The following SMIM35 variants were observed in gnomAD, a reference collection of about 807,000 sequenced individuals.
The protein encoded by SMIM35 is TMPRSS4 antisense RNA 1 (non-protein coding).
At chr11:118,054,077 T>C (rs568395055) in intron 1 of SMIM35, among the ~76,000 whole-genome samples, 1 of 152,346 alleles carries the variant, frequency 6.6e-6, no homozygotes, top group Admixed American at 6.5e-5. Flanking sequence ...TTGCATCATT[T>C]GCAAGACTGG....
In SMIM35 at chr11:118,005,569, C is replaced by G. The variant is rs1373926432; in HGVS notation, c.*841G>C. Reference sequence around the variant, plus strand: ...GACACTCCTTCCTCCCCTAGTCTTCCCCACCTGATAAATGGCACCACCTTT... The same window carrying G: ...GACACTCCTTCCTCCCCTAGTCTTCGCCACCTGATAAATGGCACCACCTTT... On this transcript the variant is annotated 3_prime_UTR_variant, in exon 5 of 5. Coordinates refer to ENST00000689828, the MANE Select transcript of SMIM35 (RefSeq NM_001394165.1). 6.6e-6 allele frequency: 1 copy of G among 152,346 alleles called. No homozygotes were observed. The highest frequency in any genetic ancestry group is 1.5e-5 in the Non-Finnish European group (1 of 68,142). The allele number at this position is 152,346 out of a possible 1,614,324, so 9.4% of individuals were successfully genotyped here.
intron 1 of SMIM35, among the ~76,000 whole-genome samples, chr11:118,037,898 G>A (rs1455337757): frequency 2.0e-5 from 3 of 152,150 alleles, no homozygotes; most frequent in Non-Finnish European, 4.4e-5. Context: ...AGGGCACACC[G>A]AGTGGCTGCA....
intron 1 of SMIM35, among the ~76,000 whole-genome samples, chr11:118,052,853 C>A (rs1026637222): frequency 1.3e-5 from 2 of 152,126 alleles, no homozygotes; most frequent in African/African-American, 4.8e-5. Context: ...CAGACAGAAT[C>A]AACACTTCAT....
intron 4 of SMIM35, among the ~76,000 whole-genome samples, chr11:118,010,189 G>C (rs2058142904): frequency 6.6e-6 from 1 of 152,220 alleles, no homozygotes; most frequent in Admixed American, 6.5e-5. Flanking sequence ...TCACTAAGCA[G>C]TTTTTAAAAA....
intron 1 of SMIM35, among the ~76,000 whole-genome samples, chr11:118,032,776 C>G (rs2058329654): frequency 6.6e-6 from 1 of 152,042 alleles, no homozygotes; most frequent in Non-Finnish European, 1.5e-5. Context: ...GGCGTGGTGG[C>G]AGGCGCCTAT....
At chr11:118,043,088 G>C (rs928642998) in intron 1 of SMIM35, among the ~76,000 whole-genome samples, 1 of 152,154 alleles carries the variant, frequency 6.6e-6, no homozygotes, top group Non-Finnish European at 1.5e-5. Context: ...TCAGTAACAC[G>C]ACGAAGATGT....
chr11:118,030,281 C>A (rs866155982), intron 1 of SMIM35, among the ~76,000 whole-genome samples: 1 of 152,086 alleles, frequency 6.6e-6, no homozygotes, highest in African/African-American at 2.4e-5. Flanking sequence ...GTGATCCACC[C>A]GCCTCAGCCA....
At position 118,004,576 on chromosome 11, in the gene SMIM35, G is replaced by A. The variant is rs1041334954; in HGVS notation, c.*1834C>T. The A allele has an allele frequency of 1.3e-5, 2 of 152,284 alleles. No individual in the cohort carries two copies. The highest frequency in any genetic ancestry group is 2.9e-5 in the Non-Finnish European group (2 of 68,088). The allele number at this position is 152,284 out of a possible 1,614,324, so 9.4% of individuals were successfully genotyped here. ...TTCAGCAATTGGCAAGGCTGGCCTG[G>A]ATCTGTGAGGCTCAGGGTTAGGGAT... On this transcript the variant is annotated 3_prime_UTR_variant, in exon 5 of 5. Transcript: ENST00000689828.
At chr11:118,057,389 G>A (rs1045188732) in intron 1 of SMIM35, among the ~76,000 whole-genome samples, 1 of 152,122 alleles carries the variant, frequency 6.6e-6, no homozygotes, top group African/African-American at 2.4e-5. Context: ...GAGAGCATTG[G>A]GGGAGGGGAG....
At chr11:118,028,874 T>A in intron 1 of SMIM35, 1 of 424,520 alleles carries the variant, frequency 2.4e-6, no homozygotes, top group Admixed American at 2.5e-5. Flanking sequence ...AGAAAAAAGT[T>A]GGGGGAGAAG....
At chr11:118,077,335 A>T (rs1314051747) in intron 1 of SMIM35, 1 of 1,586,828 alleles carries the variant, frequency 6.3e-7, no homozygotes. Context: ...CTCCCAAGAC[A>T]CAGGAAGGGT....
intron 2 of SMIM35, among the ~76,000 whole-genome samples, chr11:118,015,044 G>T (rs138233093): frequency 6.6e-6 from 1 of 152,114 alleles, no homozygotes; most frequent in Non-Finnish European, 1.5e-5. Flanking sequence ...AAAAATGAAG[G>T]CTATAATAAT....
At chr11:118,078,213 G>C (rs968537943) in intron 1 of SMIM35, among the ~76,000 whole-genome samples, 1 of 152,046 alleles carries the variant, frequency 6.6e-6, no homozygotes, top group Admixed American at 6.6e-5. Flanking sequence ...ATCTTTCAAG[G>C]AGGACAGCTG....
At chr11:118,075,532 C>A (rs139436082) in intron 1 of SMIM35, among the ~76,000 whole-genome samples, 7 of 152,300 alleles carry the variant, frequency 4.6e-5, no homozygotes, top group African/African-American at 1.2e-4. Context: ...GCAGTGTGAA[C>A]CAGTAAGAGA....
chr11:118,037,441 C>A (rs1943918979), intron 1 of SMIM35, among the ~76,000 whole-genome samples: 1 of 152,150 alleles, frequency 6.6e-6, no homozygotes, highest in Admixed American at 6.6e-5. Flanking sequence ...TCCAGGGCAT[C>A]CATTGGCTGA....
Position 118,068,928 on chromosome 11 carries a change from G to A in SMIM35, c.7+17823C>T, listed in dbSNP as rs76089267. 9.4e-3 allele frequency among the ~76,000 whole-genome samples: 1,433 copies of A among 152,278 alleles called. 19 individuals carry two copies. The highest frequency in any genetic ancestry group is 0.032 in the African/African-American group (1,321 of 41,550). On this transcript the variant is annotated intron_variant, in intron 1 of 4. Coordinates refer to ENST00000689828, the MANE Select transcript of SMIM35 (RefSeq NM_001394165.1). The stretch of plus-strand genomic sequence containing the variant: ...CAGCATTATCAATACATTATCATCC[G>A]TGGGATTTGGCAAGGCCTAACCACG...
chr11:118,055,792 G>A (rs553315791), intron 1 of SMIM35, among the ~76,000 whole-genome samples: 1 of 152,140 alleles, frequency 6.6e-6, no homozygotes, highest in Non-Finnish European at 1.5e-5. Context: ...CTGGAAATGG[G>A]AGAAAGAGCT....
At chr11:118,075,357 G>C (rs1565400178) in intron 1 of SMIM35, among the ~76,000 whole-genome samples, 1 of 152,242 alleles carries the variant, frequency 6.6e-6, no homozygotes, top group Non-Finnish European at 1.5e-5. Flanking sequence ...CAAGTCCAAG[G>C]CCACACTGCA....
chr11:118,060,110 C>A (rs1944373510), intron 1 of SMIM35, among the ~76,000 whole-genome samples: 1 of 152,176 alleles, frequency 6.6e-6, no homozygotes, highest in African/African-American at 2.4e-5. Context: ...CAAGCCCAGT[C>A]CCTTTATCAA....
Sources: gnomAD v4.1 joint callset for allele counts (sites outside exome capture counted in the v4.1 genomes callset) on GRCh38, gnomAD v4.1.1 for gene constraint, MANE v1.5 for transcripts, NCBI Gene and HGNC (gene_info 2026-07-23, HGNC 2026-07-21) for gene names.